The following ATXN2 variants were observed in gnomAD, a reference collection of about 807,000 sequenced individuals.
ATXN2 encodes ataxin-2.
In ATXN2, 37 loss-of-function variants were observed where a neutral mutation model predicts 138.6. The ratio of observed to expected loss-of-function variants is 0.27; its 90% CI spans 0.21 to 0.35. ATXN2 has a LOEUF of 0.35. ATXN2 is among the 10% of genes least tolerant of loss of function. ATXN2 has a pLI of 1.00. For missense variants in ATXN2, 1,216 were observed against 1,480.3 expected, an observed-to-expected ratio of 0.82 and a Z score of 2.93; for synonymous variants, 549 against 543.7, an observed-to-expected ratio of 1.01 and a Z score of -0.13.
intron 1 of ATXN2, among the ~76,000 whole-genome samples, chr12:111,578,540 A>G (rs777081623): frequency 6.6e-6 from 1 of 152,184 alleles, no homozygotes; most frequent in Non-Finnish European, 1.5e-5. Flanking sequence ...ACGACAGCCT[A>G]TGTGTCTAGT....
intron 1 of ATXN2, among the ~76,000 whole-genome samples, chr12:111,579,545 A>G (rs1440229058): frequency 6.6e-6 from 1 of 152,042 alleles, no homozygotes; most frequent in Non-Finnish European, 1.5e-5. Context: ...TACAGGCGTG[A>G]GACATCGCAC....
At chr12:111,595,501 G>A (rs751518197) in intron 1 of ATXN2, among the ~76,000 whole-genome samples, 17 of 151,806 alleles carry the variant, frequency 1.1e-4, no homozygotes, top group Admixed American at 8.5e-4. Flanking sequence ...AATTAGCCAA[G>A]CGTGGTGGAA....
chr12:111,575,212 C>T (rs995346178), intron 1 of ATXN2, among the ~76,000 whole-genome samples: 1 of 151,926 alleles, frequency 6.6e-6, no homozygotes, highest in Non-Finnish European at 1.5e-5. Context: ...TAGCAACATA[C>T]CAGACTGCTG....
chr12:111,598,576 G>T lies in ATXN2; in HGVS notation c.251+208C>A. 1.0e-6 allele frequency: 1 copy of T among 984,372 alleles called. No individual in the cohort carries two copies. Among genetic ancestry groups the T allele is most frequent in the Non-Finnish European group, 1.2e-6 (1 of 828,984 alleles). 61.0% of individuals were successfully genotyped at this position (984,372 alleles called of 1,614,324 possible). ...GGGAGGGGGCGGGGATGCTGCGGGAGGCTGGACAGGCCTGACAATCCCAGA... is the reference window on the plus strand; with the variant it reads ...GGGAGGGGGCGGGGATGCTGCGGGATGCTGGACAGGCCTGACAATCCCAGA... On this transcript the variant is annotated intron_variant, in intron 1 of 24. Transcript: ENST00000673436. This position sits in a 1 kb window ranked among gnomAD's most constrained non-coding sequence, Gnocchi z 4.5.
intron 21 of ATXN2, among the ~76,000 whole-genome samples, chr12:111,464,327 GTGTGTGTTTGTGTGTGTGTGTGT>G (rs1566005292): frequency 1.3e-4 from 17 of 127,674 alleles, no homozygotes; most frequent in African/African-American, 7.4e-4. Flanking sequence ...TGGCTTGGGT[GTGTGTGTTTGTGTGTGTGTGTGT>G]GTGTGTGTGT....
At position 111,598,897 on chromosome 12, in the gene ATXN2, C is replaced by T. The variant is rs1885082602; in HGVS notation, c.138G>A (p.Ala46=). The part of the protein sequence containing the change: ...VRKPGGSGLL[A]SPAAAPSPSS... ...ACGGCGAAGGCGCGGCGGCGGGCGA[C>T]GCTAGAAGGCCGCTGCCGCCGGGCT... The change falls in exon 1 of 25, where the codon GCG becomes GCA. Residue 46 remains alanine (A), a synonymous_variant. Coordinates refer to ENST00000673436, the MANE Select transcript of ATXN2 (RefSeq NM_001372574.1). The surrounding 1 kb of genome is among the most constrained non-coding windows in gnomAD (Gnocchi z 4.5). The T allele has an allele frequency of 6.6e-6, 10 of 1,504,352 alleles. No individual in the cohort carries two copies. The highest frequency in any genetic ancestry group is 2.7e-5 in the East Asian group (1 of 37,120). The allele number at this position is 1,504,352 out of a possible 1,614,324, so 93.2% of individuals were successfully genotyped here. A position where few individuals can be genotyped will look rare whatever the true frequency, so the allele number is the denominator to read the frequency against.
chr12:111,471,923 C>T (rs749322476), intron 18 of ATXN2: 1 of 151,954 alleles, frequency 6.6e-6, no homozygotes, highest in Non-Finnish European at 1.5e-5. Context: ...TACTATGGTG[C>T]TATTATTTAG....
chr12:111,516,514 C>CT lies in ATXN2; in HGVS notation c.1166-152_1166-151insA. 1 of 766,050 alleles carries CT rather than the reference C, an allele frequency of 1.3e-6. No individual in the cohort carries two copies. Among genetic ancestry groups the CT allele is most frequent in the Non-Finnish European group, 2.1e-6 (1 of 486,818 alleles). The allele number at this position is 766,050 out of a possible 1,614,324, so 47.5% of individuals were successfully genotyped here. On this transcript the variant is annotated intron_variant, in intron 9 of 24. Coordinates refer to ENST00000673436, the MANE Select transcript of ATXN2 (RefSeq NM_001372574.1). This position sits in a 1 kb window ranked among gnomAD's most constrained non-coding sequence, Gnocchi z 5.0. ...TCATTTGATTTGTGATAAGTTTTAGCATAACTTAACTGACATAAATTCACA... is the reference window on the plus strand; with the variant it reads ...TCATTTGATTTGTGATAAGTTTTAGCTATAACTTAACTGACATAAATTCACA...
At chr12:111,536,861 G>A (rs2135763057) in intron 5 of ATXN2, among the ~76,000 whole-genome samples, 1 of 138,102 alleles carries the variant, frequency 7.2e-6, no homozygotes, top group South Asian at 2.2e-4. Context: ...TCGGCTCACT[G>A]TAGCCTCGGC....
intron 14 of ATXN2, among the ~76,000 whole-genome samples, chr12:111,493,958 T>C (rs1460758666): frequency 6.6e-6 from 1 of 151,270 alleles, no homozygotes; most frequent in Admixed American, 6.6e-5. Flanking sequence ...TTTGAGACAG[T>C]CTTACTCTGT....
intron 5 of ATXN2, among the ~76,000 whole-genome samples, chr12:111,547,253 C>T (rs1276566143): frequency 1.3e-5 from 2 of 151,620 alleles, no homozygotes; most frequent in East Asian, 1.9e-4. Context: ...ATGGTGAAAC[C>T]CCGTCTCTAC....
chr12:111,579,505 G>A (rs1264883781), intron 1 of ATXN2, among the ~76,000 whole-genome samples: 6 of 151,688 alleles, frequency 4.0e-5, no homozygotes, highest in African/African-American at 1.2e-4. Context: ...TAGGTGATCC[G>A]CCTGCCTCGG....
At chr12:111,582,977 GTTTTT>G (rs1194475672) in intron 1 of ATXN2, among the ~76,000 whole-genome samples, 1 of 109,482 alleles carries the variant, frequency 9.1e-6, no homozygotes, top group Admixed American at 1.1e-4. Context: ...CAGTATCTCA[GTTTTT>G]TTTTTTGTTT....
At chr12:111,547,476 A>C (rs769588501) in intron 5 of ATXN2, among the ~76,000 whole-genome samples, 4 of 152,056 alleles carry the variant, frequency 2.6e-5, no homozygotes, top group Admixed American at 6.6e-5. Context: ...TTGTGATCCC[A>C]GCACTTTGGG....
chr12:111,473,690 T>A (rs117666960), intron 18 of ATXN2, among the ~76,000 whole-genome samples: 2,504 of 151,896 alleles, frequency 0.016, 38 homozygotes, highest in Admixed American at 0.03. Context: ...AGGAACTCAC[T>A]GACTACTCCT....
chr12:111,531,109 A>G (rs1028980636), intron 5 of ATXN2, among the ~76,000 whole-genome samples: 2 of 151,260 alleles, frequency 1.3e-5, no homozygotes, highest in African/African-American at 2.4e-5. Context: ...CAAGAGCGAA[A>G]CTCTGTTTAA....
chr12:111,455,032 G>C (rs1362150803), intron 23 of ATXN2: 1 of 702,798 alleles, frequency 1.4e-6, no homozygotes, highest in Non-Finnish European at 2.6e-6. Flanking sequence ...CAGAGCTGTG[G>C]AACTCTACTT....
intron 1 of ATXN2, among the ~76,000 whole-genome samples, chr12:111,588,758 G>A (rs779898624): frequency 5.3e-5 from 8 of 151,720 alleles, no homozygotes; most frequent in African/African-American, 1.5e-4. Context: ...TTGGGAAGCC[G>A]AGGCGGGCAG....
At chr12:111,557,097 G>C (rs551130164) in intron 1 of ATXN2, among the ~76,000 whole-genome samples, 1 of 152,126 alleles carries the variant, frequency 6.6e-6, no homozygotes, top group African/African-American at 2.4e-5. Context: ...AGGCCCCTTA[G>C]AATAATTAAA....
Sources: allele counts gnomAD v4.1 joint callset (sites outside exome capture counted in the v4.1 genomes callset), GRCh38; gene constraint gnomAD v4.1.1; non-coding constraint Gnocchi (gnomAD v3.1); transcripts MANE v1.5; gene names NCBI Gene and HGNC (gene_info 2026-07-23, HGNC 2026-07-21).